Variants in SCAPER observed in about 807,000 individuals in gnomAD.
SCAPER encodes the protein S-phase cyclin A associated protein in the ER.
In SCAPER, 98 loss-of-function variants were observed where a neutral mutation model predicts 182.2. The ratio of observed to expected loss-of-function variants is 0.54; its 90% CI spans 0.46 to 0.64. The LOEUF (loss-of-function observed/expected upper bound fraction) is 0.64. SCAPER is among the 30% of genes least tolerant of loss of function. The probability of loss-of-function intolerance (pLI) is 0.00; values close to 1 mark genes in which losing one functional copy is unlikely to be tolerated. For missense variants in SCAPER, 1,432 were observed against 1,690.0 expected, an observed-to-expected ratio of 0.85 and a Z score of 2.68; for synonymous variants, 605 against 564.6, an observed-to-expected ratio of 1.07 and a Z score of -1.01.
intron 9 of SCAPER, chr15:76,774,278 C>G (rs2063621123): frequency 3.9e-6 from 1 of 254,940 alleles, no homozygotes; most frequent in African/African-American, 2.4e-5. Context: ...AAAAAAAACC[C>G]TACAATGTAT....
chr15:76,774,368 C>G, intron 9 of SCAPER: 1 of 379,316 alleles, frequency 2.6e-6, no homozygotes, highest in South Asian at 2.0e-5. Context: ...AGAAACATAC[C>G]AAATGAACTG....
chr15:76,864,528 T>G (rs2072121164), intron 2 of SCAPER, among the ~76,000 whole-genome samples: 1 of 152,132 alleles, frequency 6.6e-6, no homozygotes, highest in Admixed American at 6.6e-5. Context: ...CCCCACCCAC[T>G]GGTTAATTTT....
At chr15:76,631,956 A>T (rs959350932) in intron 21 of SCAPER, among the ~76,000 whole-genome samples, 4 of 152,106 alleles carry the variant, frequency 2.6e-5, no homozygotes, top group African/African-American at 9.7e-5. Context: ...TAACAGTCCC[A>T]TAGTTCTCAG....
Position 76,862,493 on chromosome 15 carries a change from C to T in SCAPER, c.47G>A (p.Arg16Lys). 6.2e-7 allele frequency: 1 copy of T among 1,613,316 alleles called. No homozygotes were observed. Among genetic ancestry groups the T allele is most frequent in the Non-Finnish European group, 8.5e-7 (1 of 1,179,598 alleles). Residue 16 changes from arginine to lysine, a missense_variant, in exon 3 of 32, where the codon AGA becomes AAA. This residue lies in a region of SCAPER where 480 missense variants were observed against 510.2 expected (regional missense o/e 0.94). Coordinates refer to ENST00000563290, the MANE Select transcript of SCAPER (RefSeq NM_020843.4). ...QRSNSHDKVR[R>K]IVAEEGRTAR... ...TGTACGACCCTCCTCTGCAACTATT[C>T]TCCTTACTTTGTCATGACTATTGGA...
chr15:76,578,478 T>G (rs2048022444), intron 22 of SCAPER, among the ~76,000 whole-genome samples: 3 of 152,200 alleles, frequency 2.0e-5, no homozygotes, highest in South Asian at 4.1e-4. Flanking sequence ...GTGTCAACCC[T>G]CATCCAGCTG....
rs34809622 is a variant in SCAPER at position 76,561,827 on chromosome 15, G to GT, written c.2838+12330dup. Among the ~76,000 whole-genome samples, 76 of 138,572 alleles carry GT rather than the reference G, an allele frequency of 5.5e-4. 1 individual carries two copies. The highest frequency in any genetic ancestry group is 1.6e-3 in the African/African-American group (59 of 37,876). The allele number at this position is 138,572 out of a possible 152,430, so 90.9% of individuals were successfully genotyped here. ...CTGCAACCTTTGCCTCCTAGTATTAGTTTTTTTTTTTTTTTTTAATTAATA... is the reference window on the plus strand; with the variant it reads ...CTGCAACCTTTGCCTCCTAGTATTAGTTTTTTTTTTTTTTTTTTAATTAATA... On this transcript the variant is annotated intron_variant, in intron 23 of 31. Transcript: ENST00000563290.
intron 21 of SCAPER, among the ~76,000 whole-genome samples, chr15:76,660,185 C>G (rs1215301797): frequency 2.6e-5 from 4 of 152,072 alleles, no homozygotes; most frequent in Non-Finnish European, 4.4e-5. Flanking sequence ...GAGTGAAACA[C>G]TGAATACACA....
At chr15:76,544,762 T>TGA (rs1248547792) in intron 23 of SCAPER, among the ~76,000 whole-genome samples, 3 of 152,166 alleles carry the variant, frequency 2.0e-5, no homozygotes, top group African/African-American at 7.2e-5. Flanking sequence ...CACAACTCTT[T>TGA]GACTATACCA....
intron 11 of SCAPER, among the ~76,000 whole-genome samples, 193 bp downstream of exon 11, chr15:76,766,725 C>T (rs1405248921): frequency 6.6e-6 from 1 of 152,118 alleles, no homozygotes; most frequent in Non-Finnish European, 1.5e-5. Context: ...TGGTAAAGTG[C>T]TAACAAAAGA....
intron 27 of SCAPER, among the ~76,000 whole-genome samples, chr15:76,386,557 A>G (rs1179919186): frequency 6.6e-6 from 1 of 152,220 alleles, no homozygotes; most frequent in Non-Finnish European, 1.5e-5. Context: ...GAAATGAAGA[A>G]GTAGGAATGT....
At chr15:76,606,164 A>G (rs1487918192) in intron 22 of SCAPER, among the ~76,000 whole-genome samples, 2 of 152,206 alleles carry the variant, frequency 1.3e-5, no homozygotes, top group African/African-American at 4.8e-5. Flanking sequence ...ATTTAGTGCT[A>G]TGAATTTCCC....
At chr15:76,351,843 T>C (rs2040571129) in intron 30 of SCAPER, among the ~76,000 whole-genome samples, 1 of 152,204 alleles carries the variant, frequency 6.6e-6, no homozygotes, top group Non-Finnish European at 1.5e-5. Flanking sequence ...TTGAGCACAA[T>C]TATTTATAGA....
rs564832413 is a variant in SCAPER at position 76,440,216 on chromosome 15, G to A, written c.3079-5906C>T. Among the ~76,000 whole-genome samples, 5 of 152,262 alleles carry A rather than the reference G, an allele frequency of 3.3e-5. No homozygotes were observed. The East Asian group carries it at 5.8e-4, about 18-fold the overall frequency. On this transcript the variant is annotated intron_variant, in intron 25 of 31. Transcript: ENST00000563290. ...CAGGGCTGGAATAGATACTGGTGCC[G>A]ATTCTCTAAACTTATTCCAAAATGA... is the stretch of plus-strand genomic sequence containing the variant.
At chr15:76,426,962 A>G (rs2046478393) in intron 26 of SCAPER, among the ~76,000 whole-genome samples, 1 of 152,202 alleles carries the variant, frequency 6.6e-6, no homozygotes, top group African/African-American at 2.4e-5. Flanking sequence ...AGAACATGCA[A>G]TGGGGAAATG....
At chr15:76,859,667 A>G (rs1182638738) in intron 3 of SCAPER, among the ~76,000 whole-genome samples, 1 of 152,236 alleles carries the variant, frequency 6.6e-6, no homozygotes, top group Non-Finnish European at 1.5e-5. Context: ...TTCTTTTGTC[A>G]TCATTACTAC....
intron 16 of SCAPER, among the ~76,000 whole-genome samples, chr15:76,730,507 C>CA (rs35660679): frequency 3.3e-5 from 5 of 150,096 alleles, no homozygotes; most frequent in South Asian, 2.1e-4. Flanking sequence ...CTTGGTTAGC[C>CA]AAAAAAAATC....
intron 17 of SCAPER, among the ~76,000 whole-genome samples, chr15:76,727,307 A>G (rs190780241): frequency 7.9e-5 from 12 of 152,228 alleles, no homozygotes; most frequent in Admixed American, 7.9e-4. Flanking sequence ...TAGGGCCAGG[A>G]CAGTCCTAAT....
chr15:76,604,165 C>G lies in SCAPER; in HGVS notation c.2711+17599G>C, dbSNP rs57623988. 5.9e-3 allele frequency among the ~76,000 whole-genome samples: 704 copies of G among 119,550 alleles called. 72 individuals carry two copies. Among genetic ancestry groups the G allele is most frequent in the African/African-American group, 0.017 (667 of 39,456 alleles). The allele number at this position is 119,550 out of a possible 152,430, so 78.4% of individuals were successfully genotyped here. On this transcript the variant is annotated intron_variant, in intron 22 of 31. Coordinates refer to ENST00000563290, the MANE Select transcript of SCAPER (RefSeq NM_020843.4). ...GGGTTTTTATGGTTTTAGGTCTAAC[C>G]TTTAAGTCTTTAATCCATCTTGAAT...
At chr15:76,905,027 C>T (rs947266682) in intron 1 of SCAPER, among the ~76,000 whole-genome samples, 6 of 152,262 alleles carry the variant, frequency 3.9e-5, no homozygotes, top group Middle Eastern at 3.4e-3. Flanking sequence ...CCCAGATGAG[C>T]CCGCAGGGCA....
Sources: gnomAD v4.1 joint callset for allele counts (sites outside exome capture counted in the v4.1 genomes callset) on GRCh38, gnomAD v4.1.1 for gene constraint, gnomAD v4.1.1 regional missense constraint, MANE v1.5 for transcripts, NCBI Gene and HGNC (gene_info 2026-07-23, HGNC 2026-07-21) for gene names.